The following LMX1A variants were observed in gnomAD, a reference collection of about 807,000 sequenced individuals.
LMX1A encodes the protein LIM homeobox transcription factor 1 alpha, also known as LIM homeobox transcription factor 1-alpha.
LMX1A carries 15 observed loss-of-function variants against 49.1 expected under a neutral mutation model. The observed-to-expected ratio is 0.31, with a 90% confidence interval of 0.20 to 0.47. The LOEUF (loss-of-function observed/expected upper bound fraction) is 0.47. Ranked by LOEUF, LMX1A falls within the 20% of genes least tolerant of loss-of-function variation. The pLI is 1.00. For synonymous variants in LMX1A, 167 were observed against 185.7 expected (o/e 0.90, Z 0.82); for missense variants, 372 against 475.8 (o/e 0.78, Z 2.03).
At chr1:165,256,795 G>T (rs1021970390) in intron 3 of LMX1A, among the ~76,000 whole-genome samples, 1 of 151,948 alleles carries the variant, frequency 6.6e-6, no homozygotes, top group Non-Finnish European at 1.5e-5. Context: ...ACATATGAAG[G>T]TTTGATGCCT....
chr1:165,342,558 G>T (rs1656108090), intron 3 of LMX1A, among the ~76,000 whole-genome samples: 1 of 152,094 alleles, frequency 6.6e-6, no homozygotes, highest in Admixed American at 6.5e-5. Flanking sequence ...GATCAATGGG[G>T]TTGGTGTGGG....
rs923582700 is a variant in LMX1A at position 165,281,039 on chromosome 1, G to A, written c.264-31399C>T. Among the ~76,000 whole-genome samples the A allele has an allele frequency of 2.0e-5, 3 of 152,168 alleles. No homozygotes were observed. In the East Asian group the frequency reaches 5.8e-4, roughly 29 times the overall value. On this transcript the variant is annotated intron_variant, in intron 3 of 8. Coordinates refer to ENST00000342310, the MANE Select transcript of LMX1A (RefSeq NM_177398.4). ...CCATCCCACCCCAGAACATGGAGAAGTAGTCTGGTGGCTGGAGTCCTACTG... is the reference window on the plus strand; with the variant it reads ...CCATCCCACCCCAGAACATGGAGAAATAGTCTGGTGGCTGGAGTCCTACTG...
intron 3 of LMX1A, among the ~76,000 whole-genome samples, chr1:165,312,461 C>T (rs750785537): frequency 2.0e-5 from 3 of 152,118 alleles, no homozygotes; most frequent in Admixed American, 6.5e-5. Flanking sequence ...CAATTTCCCC[C>T]TCCATGAGTC....
intron 8 of LMX1A, among the ~76,000 whole-genome samples, chr1:165,204,415 C>G (rs960053493): frequency 6.6e-6 from 1 of 152,098 alleles, no homozygotes; most frequent in African/African-American, 2.4e-5. Context: ...AAAAACAAAA[C>G]AAAAAGAAAG....
intron 3 of LMX1A, among the ~76,000 whole-genome samples, chr1:165,298,799 C>G (rs1654695852): frequency 6.6e-6 from 1 of 152,200 alleles, no homozygotes; most frequent in Non-Finnish European, 1.5e-5. Context: ...CACTGGACAG[C>G]CACTAACAAT....
chr1:165,298,945 A>G (rs931539368), intron 3 of LMX1A, among the ~76,000 whole-genome samples: 2 of 152,268 alleles, frequency 1.3e-5, no homozygotes, highest in Non-Finnish European at 2.9e-5. Context: ...CATGTGTTAT[A>G]TACTAAGCTG....
At chr1:165,296,074 T>C (rs988307102) in intron 3 of LMX1A, among the ~76,000 whole-genome samples, 1 of 152,214 alleles carries the variant, frequency 6.6e-6, no homozygotes, top group African/African-American at 2.4e-5. Context: ...ATATAGAAAC[T>C]GATGCACCAA....
chr1:165,350,779 A>G (rs532822910), intron 3 of LMX1A, among the ~76,000 whole-genome samples: 4 of 152,358 alleles, frequency 2.6e-5, no homozygotes, highest in Admixed American at 2.6e-4. Context: ...GCCATGAGCT[A>G]AAGAGGACAA....
At chr1:165,327,310 T>C (rs1005872827) in intron 3 of LMX1A, among the ~76,000 whole-genome samples, 46 of 152,298 alleles carry the variant, frequency 3.0e-4, no homozygotes, top group African/African-American at 1.0e-3. Flanking sequence ...GGGCTAACTC[T>C]ACCTTTGCAA....
intron 3 of LMX1A, among the ~76,000 whole-genome samples, chr1:165,350,043 G>A (rs1571237724): frequency 6.6e-6 from 1 of 151,960 alleles, no homozygotes; most frequent in Non-Finnish European, 1.5e-5. Context: ...TGGAAACCAA[G>A]GCACTGCCTG....
At chr1:165,249,706 C>A (rs540381974) in intron 3 of LMX1A, 66 bp from the exon 4 acceptor site, 1 of 1,178,460 alleles carries the variant, frequency 8.5e-7, no homozygotes, top group East Asian at 2.5e-5. Flanking sequence ...TGGGTCTCCC[C>A]TGAAGTCAAC....
intron 3 of LMX1A, among the ~76,000 whole-genome samples, chr1:165,328,688 A>T (rs6426908): frequency 0.56 from 84,383 of 152,036 alleles, 24,685 homozygotes; most frequent in East Asian, 0.82. Context: ...CATGAAGCAG[A>T]CCTTAATTTT....
chr1:165,264,882 G>A (rs1653565628), intron 3 of LMX1A, among the ~76,000 whole-genome samples: 1 of 151,856 alleles, frequency 6.6e-6, no homozygotes, highest in Non-Finnish European at 1.5e-5. Context: ...ACTCCAGCTT[G>A]GGAGACAGAA....
At chr1:165,261,189 A>C (rs12142497) in intron 3 of LMX1A, among the ~76,000 whole-genome samples, 1 of 152,132 alleles carries the variant, frequency 6.6e-6, no homozygotes, top group Non-Finnish European at 1.5e-5. Flanking sequence ...AACCCCATAG[A>C]AGTTTCAATA....
At position 165,280,539 on chromosome 1, in the gene LMX1A, T is replaced by TC. The variant is rs538107078; in HGVS notation, c.264-30900dup. Among the ~76,000 whole-genome samples, 9 of 152,326 alleles carry TC rather than the reference T, an allele frequency of 5.9e-5. No individual in the cohort carries two copies. In the East Asian group the frequency reaches 1.7e-3, roughly 29 times the overall value. Reference sequence around the variant, plus strand: ...TGCATTAGACTGTTTATTTCTACAGTCCCAAAAATTCAACTTGAGGAATTT... The same window carrying TC: ...TGCATTAGACTGTTTATTTCTACAGTCCCCAAAAATTCAACTTGAGGAATTT... On this transcript the variant is annotated intron_variant, in intron 3 of 8. Coordinates refer to ENST00000342310, the MANE Select transcript of LMX1A (RefSeq NM_177398.4).
chr1:165,303,404 A>G (rs1654838747), intron 3 of LMX1A, among the ~76,000 whole-genome samples: 1 of 152,176 alleles, frequency 6.6e-6, no homozygotes, highest in African/African-American at 2.4e-5. Flanking sequence ...GGAACGCTTC[A>G]TGGTTGGCTG....
At chr1:165,291,344 C>G (rs1041371405) in intron 3 of LMX1A, among the ~76,000 whole-genome samples, 2 of 152,184 alleles carry the variant, frequency 1.3e-5, no homozygotes, top group Non-Finnish European at 2.9e-5. Flanking sequence ...TGGAAAGTAG[C>G]AGCAGATACC....
chr1:165,204,100 A>G (rs1650967131), intron 8 of LMX1A, 60 bp from the exon 9 acceptor site: 8 of 1,559,048 alleles, frequency 5.1e-6, no homozygotes, highest in Middle Eastern at 2.2e-4. Flanking sequence ...TTTCAGTGCT[A>G]GGATATTCAG....
chr1:165,296,934 A>G (rs955109637), intron 3 of LMX1A, among the ~76,000 whole-genome samples: 3 of 152,250 alleles, frequency 2.0e-5, no homozygotes, highest in African/African-American at 7.2e-5. Flanking sequence ...AGGCTTCTGC[A>G]TTTGTAACAA....
Sources: allele counts gnomAD v4.1 joint callset (sites outside exome capture counted in the v4.1 genomes callset), GRCh38; gene constraint gnomAD v4.1.1; transcripts MANE v1.5; gene names NCBI Gene and HGNC (gene_info 2026-07-23, HGNC 2026-07-21).